Variants in ATAD3C observed in about 807,000 individuals in gnomAD.
ATAD3C encodes the protein ATPase family AAA domain containing 3C.
In ATAD3C, 38 loss-of-function variants were observed where a neutral mutation model predicts 46.3. The observed-to-expected ratio is 0.82, with a 90% CI of 0.63 to 1.08. The LOEUF is 1.08. ATAD3C is among the 50% of genes least tolerant of loss of function. ATAD3C has a pLI of 0.00. For missense variants in ATAD3C, 563 were observed against 572.7 expected (o/e 0.98, Z 0.17); for synonymous variants, 220 against 236.4 (o/e 0.93, Z 0.63).
At position 1,459,586 on chromosome 1, in the gene ATAD3C, T is replaced by A. The variant is rs542827486; in HGVS notation, c.812+355T>A. On this transcript the variant is annotated intron_variant, in intron 9 of 11. Transcript: ENST00000378785. The surrounding 1 kb of genome is among the most constrained non-coding windows in gnomAD (Gnocchi z 4.9). ...TGCTGGGTCTCCCTTGGAGGGTGTG[T>A]GTGCCCTGGGGTGGGAGATGGAGAC... 3.4e-3 allele frequency among the ~76,000 whole-genome samples: 512 copies of A among 151,722 alleles called. 8 individuals carry two copies. The highest frequency in any genetic ancestry group is 0.012 in the African/African-American group (488 of 41,288).
At chr1:1,454,079 G>A (rs921966805) in intron 3 of ATAD3C, among the ~76,000 whole-genome samples, 2 of 152,066 alleles carry the variant, frequency 1.3e-5, no homozygotes, top group South Asian at 2.1e-4. Context: ...CCAGGGCCCC[G>A]CTCAGCGACC....
In ATAD3C at chr1:1,462,668, T is replaced by C. The variant is rs1175926336; in HGVS notation, c.1049T>C (p.Met350Thr). 2 of 1,607,050 alleles carry C rather than the reference T, an allele frequency of 1.2e-6. No homozygotes were observed. The highest frequency in any genetic ancestry group is 1.3e-5 in the African/African-American group (1 of 74,986). The change falls in exon 11 of 12, where the codon ATG becomes ACG. Residue 350 changes from methionine to threonine, a missense_variant. Met to Thr is a moderately conservative substitution (Grantham distance 81). Coordinates refer to ENST00000378785, the MANE Select transcript of ATAD3C (RefSeq NM_001039211.3). The surrounding 1 kb of genome is among the most constrained non-coding windows in gnomAD (Gnocchi z 4.5). ...CLEIARLTEG[M>T]SCRKIAQLAV... ...GAGATCGCTCGGCTGACAGAGGGCA[T>C]GTCATGCCGGAAGATCGCACAGCTG...
In ATAD3C at chr1:1,468,392, G is replaced by A. The variant is rs144333159; in HGVS notation, c.1098G>A (p.Ala366=). Reference sequence around the variant, plus strand: ...CCCTCTCTCCCCACTAGGCCACGGCGTATGCCTCCAAGGACGGGGTCCTGA... The same window carrying A: ...CCCTCTCTCCCCACTAGGCCACGGCATATGCCTCCAAGGACGGGGTCCTGA... ...AQLAVSWQAT[A]YASKDGVLTE... Residue 366 remains alanine, a synonymous_variant, in exon 12 of 12, where the codon GCG becomes GCA. Coordinates refer to ENST00000378785, the MANE Select transcript of ATAD3C (RefSeq NM_001039211.3). 1,857 of 1,611,012 alleles carry A rather than the reference G, an allele frequency of 1.2e-3. 32 individuals are homozygous for A. In the African/African-American group the frequency reaches 0.021, roughly 18 times the overall value.
chr1:1,459,757 G>A lies in ATAD3C; in HGVS notation c.812+526G>A, dbSNP rs1199204716. The stretch of plus-strand genomic sequence containing the variant: ...CGACTTTGTGTGGCCTCTGTGGGCT[G>A]CCGCCCAGATGTCCCCCATAGGGTG... On this transcript the variant is annotated intron_variant, in intron 9 of 11. Transcript: ENST00000378785. This position sits in a 1 kb window ranked among gnomAD's most constrained non-coding sequence, Gnocchi z 4.9. Among the ~76,000 whole-genome samples, 1 of 152,042 alleles carries A rather than the reference G, an allele frequency of 6.6e-6. No individual in the cohort carries two copies. Among genetic ancestry groups the A allele is most frequent in the Non-Finnish European group, 1.5e-5 (1 of 67,994 alleles).
At chr1:1,466,071 C>T (rs187339062) in intron 11 of ATAD3C, among the ~76,000 whole-genome samples, 2 of 151,608 alleles carry the variant, frequency 1.3e-5, no homozygotes, top group African/African-American at 4.8e-5. Context: ...GGAGAAACCC[C>T]GACTCTACTA....
At chr1:1,464,964 C>T (rs1344214301) in intron 11 of ATAD3C, among the ~76,000 whole-genome samples, 1 of 151,720 alleles carries the variant, frequency 6.6e-6, no homozygotes, top group Non-Finnish European at 1.5e-5. Context: ...TAACTCACTG[C>T]AACCTCCGCC....
chr1:1,454,306 G>A lies in ATAD3C; in HGVS notation c.223-39G>A, dbSNP rs566853158. ...GTCTCCTGCTCTAGGAGGGAGGGAC[G>A]GTGGGGGCCGGTGCGCCAGTGCGGT... On this transcript the variant is annotated intron_variant, in intron 3 of 11. Coordinates refer to ENST00000378785, the MANE Select transcript of ATAD3C (RefSeq NM_001039211.3). 137 of 1,575,894 alleles carry A rather than the reference G, an allele frequency of 8.7e-5. No homozygotes were observed. The East Asian group carries it at 2.8e-3, about 33-fold the overall frequency.
intron 3 of ATAD3C, among the ~76,000 whole-genome samples, chr1:1,453,272 G>T (rs185937362): frequency 6.6e-6 from 1 of 152,148 alleles, no homozygotes; most frequent in African/African-American, 2.4e-5. Flanking sequence ...GCGCCACCTC[G>T]GCTCACTGCA....
Position 1,462,829 on chromosome 1 carries a change from T to C in ATAD3C, c.1089+121T>C. The C allele has an allele frequency of 1.6e-6, 2 of 1,254,472 alleles. No homozygotes were observed. Among genetic ancestry groups the C allele is most frequent in the Non-Finnish European group, 2.2e-6 (2 of 908,034 alleles). The allele number at this position is 1,254,472 out of a possible 1,614,324, so 77.7% of individuals were successfully genotyped here. On this transcript the variant is annotated intron_variant, in intron 11 of 11. Coordinates refer to ENST00000378785, the MANE Select transcript of ATAD3C (RefSeq NM_001039211.3). This position sits in a 1 kb window ranked among gnomAD's most constrained non-coding sequence, Gnocchi z 4.5. ...GGAGCTTCTGTTGAGGGGTTTTCAG[T>C]GCACAGATGTGACACGGGGCCCCTG...
chr1:1,453,703 A>C (rs1695861), intron 3 of ATAD3C, among the ~76,000 whole-genome samples: 1 of 149,730 alleles, frequency 6.7e-6, no homozygotes, highest in Admixed American at 6.7e-5. Context: ...GTGACGGCGC[A>C]GTCTGGGCTC....
intron 3 of ATAD3C, among the ~76,000 whole-genome samples, chr1:1,452,888 C>A (rs1627833): frequency 0.43 from 65,524 of 151,506 alleles, 20,514 homozygotes; most frequent in East Asian, 0.99. Context: ...CCTCAGAAAA[C>A]CCTGAGAGTT....
At chr1:1,452,506 G>T in intron 3 of ATAD3C, 72 bp downstream of exon 3, 2 of 1,608,578 alleles carry the variant, frequency 1.2e-6, no homozygotes, top group South Asian at 1.1e-5. Context: ...GGAGCCACAG[G>T]TCCTATCCCT....
intron 11 of ATAD3C, among the ~76,000 whole-genome samples, chr1:1,464,508 C>T (rs907698398): frequency 3.0e-4 from 45 of 151,822 alleles, no homozygotes; most frequent in African/African-American, 1.1e-3. Flanking sequence ...CGGTGGCTCA[C>T]GCCTGTAATC....
chr1:1,452,978 G>A (rs1000444576), intron 3 of ATAD3C, among the ~76,000 whole-genome samples: 6 of 151,866 alleles, frequency 4.0e-5, no homozygotes, highest in Non-Finnish European at 7.4e-5. Flanking sequence ...GGCGCCCCAC[G>A]TCGCACATGG....
intron 1 of ATAD3C, 55 bp downstream of exon 1, chr1:1,450,813 G>C (rs1457677235): frequency 1.2e-6 from 2 of 1,605,774 alleles, no homozygotes; most frequent in Non-Finnish European, 1.7e-6. Context: ...GTTCGGGCGT[G>C]GAGATTGGTA....
chr1:1,459,760 G>A lies in ATAD3C; in HGVS notation c.812+529G>A, dbSNP rs923981952. Among the ~76,000 whole-genome samples the A allele has an allele frequency of 3.9e-5, 6 of 151,988 alleles. No homozygotes were observed. The highest frequency in any genetic ancestry group is 8.8e-5 in the Non-Finnish European group (6 of 67,964). On this transcript the variant is annotated intron_variant, in intron 9 of 11. Coordinates refer to ENST00000378785, the MANE Select transcript of ATAD3C (RefSeq NM_001039211.3). The surrounding 1 kb of genome is among the most constrained non-coding windows in gnomAD (Gnocchi z 4.9). ...CTTTGTGTGGCCTCTGTGGGCTGCC[G>A]CCCAGATGTCCCCCATAGGGTGACC... is the stretch of plus-strand genomic sequence containing the variant.
chr1:1,457,582 C>T (rs1434390712), intron 8 of ATAD3C, among the ~76,000 whole-genome samples: 6 of 115,322 alleles, frequency 5.2e-5, no homozygotes, highest in East Asian at 2.5e-4. Flanking sequence ...GGCGACACAG[C>T]GAGACTTCAT....
Position 1,451,979 on chromosome 1 carries a change from T to C in ATAD3C, c.76-67T>C, listed in dbSNP as rs1638867792. On this transcript the variant is annotated intron_variant, in intron 1 of 11. Coordinates refer to ENST00000378785, the MANE Select transcript of ATAD3C (RefSeq NM_001039211.3). Reference sequence around the variant, plus strand: ...CTGCGGTCCTGGGGCGGACGCAACCTCTGGATTGGTGTTGAGCATTTTTCT... The same window carrying C: ...CTGCGGTCCTGGGGCGGACGCAACCCCTGGATTGGTGTTGAGCATTTTTCT... 2.3e-5 allele frequency: 37 copies of C among 1,592,386 alleles called. No individual in the cohort carries two copies. In the South Asian group the frequency reaches 4.0e-4, roughly 17 times the overall value.
rs1329500060 is a variant in ATAD3C, at chr1:1,459,216, G to A, written c.797G>A (p.Gly266Asp). The change falls in exon 9 of 12, where the codon GGC (glycine) becomes GAC (aspartate). Residue 266 changes from glycine to aspartate, a missense_variant. By Grantham distance (94) the Gly-to-Asp change is moderately conservative (BLOSUM62 -1). Transcript: ENST00000378785. This position sits in a 1 kb window ranked among gnomAD's most constrained non-coding sequence, Gnocchi z 4.9. Reference sequence around the variant, plus strand: ...CTGAACGCCTTCCTGTACCGCACGGGCCAGCACAGCAACAAGTGAGGGAGC... The same window carrying A: ...CTGAACGCCTTCCTGTACCGCACGGACCAGCACAGCAACAAGTGAGGGAGC... The part of the protein sequence containing the change: ...ATLNAFLYRT[G>D]QHSNKFMLIL... 1 of 1,612,378 alleles carries A rather than the reference G, an allele frequency of 6.2e-7. No individual in the cohort carries two copies. The highest frequency in any genetic ancestry group is 1.3e-5 in the African/African-American group (1 of 74,822).
Sources: allele counts gnomAD v4.1 joint callset (sites outside exome capture counted in the v4.1 genomes callset), GRCh38; gene constraint gnomAD v4.1.1; non-coding constraint Gnocchi (gnomAD v3.1); transcripts MANE v1.5; gene names NCBI Gene and HGNC (gene_info 2026-07-23, HGNC 2026-07-21).